Variants in ASIC4 observed in about 807,000 individuals in gnomAD.
ASIC4 encodes the protein acid-sensing ion channel 4.
ASIC4 carries 28 observed loss-of-function variants against 53.4 expected under a neutral mutation model. That is an observed-to-expected ratio of 0.52 (90% CI 0.39 to 0.72). The LOEUF (loss-of-function observed/expected upper bound fraction) is 0.72. ASIC4 is among the 30% of genes least tolerant of loss of function. ASIC4 has a pLI of 0.00. For missense variants in ASIC4, 649 were observed against 729.7 expected (o/e 0.89, Z 1.27); for synonymous variants, 289 against 301.4 (o/e 0.96, Z 0.43).
At chr2:219,526,771 G>A (rs933126437) in intron 1 of ASIC4, among the ~76,000 whole-genome samples, 7 of 152,184 alleles carry the variant, frequency 4.6e-5, no homozygotes, top group Non-Finnish European at 8.8e-5. Flanking sequence ...TCAGTGTACA[G>A]CACAGACATA....
At chr2:219,528,234 G>GT (rs768020775) in intron 1 of ASIC4, among the ~76,000 whole-genome samples, 45 of 152,100 alleles carry the variant, frequency 3.0e-4, no homozygotes, top group Admixed American at 1.0e-3. Context: ...TTGTTTTTCT[G>GT]TTTTTTTGAG....
chr2:219,508,582 C>G, the ASIC4 span, among the ~76,000 whole-genome samples: 1 of 151,964 alleles, frequency 6.6e-6, no homozygotes, highest in Admixed American at 6.6e-5. Flanking sequence ...CATGCCCCCC[C>G]CACTCCTCCC....
At chr2:219,526,052 C>G (rs1510662) in intron 1 of ASIC4, among the ~76,000 whole-genome samples, 31,342 of 152,050 alleles carry the variant, frequency 0.21, 3,319 homozygotes, top group Admixed American at 0.22. Flanking sequence ...CAGGGCCCTC[C>G]CCCTGCCACA....
upstream of ASIC4, among the ~76,000 whole-genome samples, chr2:219,511,222 G>T (rs1244110650): frequency 6.6e-6 from 1 of 152,142 alleles, no homozygotes; most frequent in Non-Finnish European, 1.5e-5. The surrounding 1 kb of genome is among the most constrained non-coding windows in gnomAD (Gnocchi z 5.3). Context: ...CAGCTTGGGG[G>T]TTCCTGTGCT....
intron 1 of ASIC4, among the ~76,000 whole-genome samples, chr2:219,515,837 G>T (rs948616906): frequency 6.6e-6 from 1 of 152,146 alleles, no homozygotes; most frequent in African/African-American, 2.4e-5. Flanking sequence ...CAGGACACTG[G>T]GTGCCAGTGT....
upstream of ASIC4, among the ~76,000 whole-genome samples, chr2:219,512,890 G>A (rs535299773): frequency 6.6e-6 from 1 of 152,370 alleles, no homozygotes; most frequent in South Asian, 2.1e-4. Flanking sequence ...AGGGCTGGGT[G>A]TGTGGGCAGG....
chr2:219,533,608 T>A (rs1249662339), intron 5 of ASIC4: 1 of 156,092 alleles, frequency 6.4e-6, no homozygotes, highest in East Asian at 1.8e-4. Context: ...TGAGGCTTGA[T>A]GGGTGTATAA....
chr2:219,512,889 TG>T (rs1694719615), upstream of ASIC4, among the ~76,000 whole-genome samples: 2 of 152,246 alleles, frequency 1.3e-5, no homozygotes, highest in South Asian at 2.1e-4. Flanking sequence ...CAGGGCTGGG[TG>T]TGTGGGCAGG....
chr2:219,520,335 A>G (rs1694865507), intron 1 of ASIC4, among the ~76,000 whole-genome samples: 1 of 151,926 alleles, frequency 6.6e-6, no homozygotes, highest in Non-Finnish European at 1.5e-5. Flanking sequence ...GCCAGCCAGG[A>G]CAGCTCTGAG....
intron 1 of ASIC4, among the ~76,000 whole-genome samples, chr2:219,522,644 C>T (rs1383065226): frequency 1.3e-5 from 2 of 151,892 alleles, no homozygotes; most frequent in Non-Finnish European, 2.9e-5. Flanking sequence ...CCTCAGTGCC[C>T]CCGGCCCCGG....
chr2:219,534,854 G>A (rs1389779535), intron 5 of ASIC4, among the ~76,000 whole-genome samples: 4 of 152,104 alleles, frequency 2.6e-5, no homozygotes, highest in African/African-American at 9.7e-5. Context: ...TTGTGTGTCT[G>A]AGGCCTCACA....
At chr2:219,527,175 C>T (rs1694974156) in intron 1 of ASIC4, among the ~76,000 whole-genome samples, 1 of 152,182 alleles carries the variant, frequency 6.6e-6, no homozygotes, top group South Asian at 2.1e-4. Context: ...AGTTCTGCCA[C>T]TTAGGAGCTG....
upstream of ASIC4, among the ~76,000 whole-genome samples, chr2:219,510,487 G>T (rs1694686944): frequency 1.3e-5 from 2 of 152,158 alleles, no homozygotes; most frequent in Admixed American, 1.3e-4. This position sits in a 1 kb window ranked among gnomAD's most constrained non-coding sequence, Gnocchi z 5.2. Context: ...CACGATGGCT[G>T]CGTCCATCCC....
At chr2:219,531,082 C>G (rs1232143625) in intron 1 of ASIC4, among the ~76,000 whole-genome samples, 1 of 152,072 alleles carries the variant, frequency 6.6e-6, no homozygotes, top group Non-Finnish European at 1.5e-5. Context: ...GATGTGGTGG[C>G]TCATGCTTGT....
rs1230966204 is a variant in ASIC4 at position 219,517,574 on chromosome 2, C to G, written c.582+2268C>G. On this transcript the variant is annotated intron_variant, in intron 1 of 9. Coordinates refer to ENST00000358078, the MANE Select transcript of ASIC4 (RefSeq NM_018674.6). This position sits in a 1 kb window ranked among gnomAD's most constrained non-coding sequence, Gnocchi z 4.2. ...TCAAGGGCTGAGTCTGCTGCAGATT[C>G]ACCAGGGTCTGGAATTACAGATTGG... Among the ~76,000 whole-genome samples, 2 of 152,192 alleles carry G rather than the reference C, an allele frequency of 1.3e-5. No individual in the cohort carries two copies. Among genetic ancestry groups the G allele is most frequent in the East Asian group, 3.8e-4 (2 of 5,198 alleles).
In ASIC4 at chr2:219,532,448, G is replaced by C. The variant is rs1381621436; in HGVS notation, c.989G>C (p.Arg330Pro). 3 of 1,613,434 alleles carry C rather than the reference G, an allele frequency of 1.9e-6. No homozygotes were observed. The highest frequency in any genetic ancestry group is 2.5e-6 in the Non-Finnish European group (3 of 1,179,712). ...TGTGAAAAGGAGGCCGTGCTTCAGC[G>C]CTGCCACTGCCGGATGGTGCACATG... ...LRCEKEAVLQRCHCRMVHMPG... is the reference protein window; with the variant it reads ...LRCEKEAVLQPCHCRMVHMPG... Residue 330 changes from arginine to proline, a missense_variant, in exon 4 of 10, where the codon CGC becomes CCC. Coordinates refer to ENST00000358078, the MANE Select transcript of ASIC4 (RefSeq NM_018674.6).
upstream of ASIC4, among the ~76,000 whole-genome samples, chr2:219,511,378 C>A (rs59999464): frequency 1.3e-3 from 200 of 151,288 alleles, no homozygotes; most frequent in African/African-American, 4.7e-3. The surrounding 1 kb of genome is among the most constrained non-coding windows in gnomAD (Gnocchi z 5.3). Context: ...TCTCTCCCCC[C>A]GACTGCATGC....
upstream of ASIC4, chr2:219,514,386 G>GCGCTCGCTCCCTCGCTCACT (rs1283546626): frequency 1.5e-4 from 232 of 1,547,340 alleles, no homozygotes; most frequent in Non-Finnish European, 1.9e-4. Context: ...TGGCGGAGCA[G>GCGCTCGCTCCCTCGCTCACT]CGCTCGCTCC....
At position 219,537,277 on chromosome 2, in the gene ASIC4, G is replaced by A. The variant is rs370189813; in HGVS notation, c.1357G>A (p.Ala453Thr). Residue 453 changes from alanine to threonine, a missense_variant, in exon 8 of 10, where the codon GCC becomes ACC. Coordinates refer to ENST00000358078, the MANE Select transcript of ASIC4 (RefSeq NM_018674.6). The surrounding 1 kb of genome is among the most constrained non-coding windows in gnomAD (Gnocchi z 4.9). ...GGGACAGATGGGCCTGTTCATTGGG[G>A]CCAGCATCCTCACGTTGCTGGAGAT... ...LGGQMGLFIG[A>T]SILTLLEILD... 6.2e-7 allele frequency: 1 copy of A among 1,613,768 alleles called. No homozygotes were observed.
Sources: gnomAD v4.1 joint callset for allele counts (sites outside exome capture counted in the v4.1 genomes callset) on GRCh38, gnomAD v4.1.1 for gene constraint, Gnocchi (gnomAD v3.1) non-coding constraint, MANE v1.5 for transcripts, NCBI Gene and HGNC (gene_info 2026-07-23, HGNC 2026-07-21) for gene names.